Variants in XPO1 observed in about 807,000 individuals in gnomAD.
The protein encoded by XPO1 is exportin 1.
A neutral mutation model predicts 133.3 loss-of-function variants in XPO1; 5 were observed. The observed-to-expected ratio is 0.04, with a 90% confidence interval of 0.02 to 0.08. The LOEUF is 0.08. Among genes scored for constraint, XPO1 ranks in the 10% least tolerant of loss-of-function variants. XPO1 has a pLI of 1.00. For missense variants in XPO1, 506 were observed against 1,267.5 expected (o/e 0.40, Z 9.12); for synonymous variants, 419 against 408.2 (o/e 1.03, Z -0.32).
intron 4 of XPO1, among the ~76,000 whole-genome samples, chr2:61,511,990 G>C (rs1250826556): frequency 6.6e-6 from 1 of 151,934 alleles, no homozygotes; most frequent in Non-Finnish European, 1.5e-5. Flanking sequence ...GACTGGTCTC[G>C]AACTCCTGAC....
chr2:61,478,729 C>T lies in XPO1; in HGVS notation c.*91G>A, dbSNP rs1696180802. On this transcript the variant is annotated 3_prime_UTR_variant, in exon 25 of 25. Coordinates refer to ENST00000401558, the MANE Select transcript of XPO1 (RefSeq NM_003400.4). ...GGCCACTAGGTGACATTTTAATTTA[C>T]AAATTGGCATCATTTTGGTCGACAA... The T allele has an allele frequency of 1.4e-6, 2 of 1,379,580 alleles. No individual in the cohort carries two copies. Among genetic ancestry groups the T allele is most frequent in the Non-Finnish European group, 1.9e-6 (2 of 1,027,336 alleles). The allele number at this position is 1,379,580 out of a possible 1,614,324, so 85.5% of individuals were successfully genotyped here. A position where few individuals can be genotyped will look rare whatever the true frequency, so the allele number is the denominator to read the frequency against.
chr2:61,481,626 G>T (rs1390845940), intron 23 of XPO1, among the ~76,000 whole-genome samples: 5 of 150,020 alleles, frequency 3.3e-5, no homozygotes, highest in Non-Finnish European at 7.4e-5. Context: ...TGTATTTTTA[G>T]TAGAGACAGG....
intron 4 of XPO1, among the ~76,000 whole-genome samples, chr2:61,504,031 CG>C (rs1697676520): frequency 6.6e-6 from 1 of 152,104 alleles, no homozygotes; most frequent in Admixed American, 6.5e-5. Flanking sequence ...GGCAACAGAG[CG>C]AACTCTTGTC....
intron 6 of XPO1, among the ~76,000 whole-genome samples, 188 bp from the exon 7 acceptor site, chr2:61,500,082 C>A (rs1235219365): frequency 1.3e-5 from 2 of 152,146 alleles, no homozygotes; most frequent in African/African-American, 4.8e-5. Flanking sequence ...AACACAAAGT[C>A]TTTTATCTTA....
At chr2:61,485,736 T>C (rs775918942) in intron 20 of XPO1, 32 bp downstream of exon 20, 13 of 1,556,250 alleles carry the variant, frequency 8.4e-6, no homozygotes, top group African/African-American at 1.4e-5. Flanking sequence ...TCCTGCAGAA[T>C]TTCCCCCTTA....
intron 4 of XPO1, among the ~76,000 whole-genome samples, chr2:61,518,795 T>TA (rs1278215159): frequency 6.6e-6 from 1 of 152,108 alleles, no homozygotes; most frequent in African/African-American, 2.4e-5. Flanking sequence ...GACACACACT[T>TA]ACGGCCTAAA....
At chr2:61,485,658 T>G in intron 20 of XPO1, 110 bp downstream of exon 20, 1 of 980,706 alleles carries the variant, frequency 1.0e-6, no homozygotes, top group African/African-American at 1.6e-5. Flanking sequence ...GTTTAAATAT[T>G]TAAACTCCAT....
intron 1 of XPO1, 192 bp from the exon 2 acceptor site, chr2:61,534,095 C>A: frequency 2.0e-6 from 1 of 506,604 alleles, no homozygotes; most frequent in Non-Finnish European, 3.2e-6. Context: ...TTGATAATTA[C>A]ATAAATTATT....
intron 19 of XPO1, among the ~76,000 whole-genome samples, 179 bp downstream of exon 19, chr2:61,487,986 T>C (rs1183321981): frequency 1.3e-5 from 2 of 152,192 alleles, no homozygotes; most frequent in Non-Finnish European, 1.5e-5. Context: ...GCAGTTTCTT[T>C]TGAAGATGGA....
At chr2:61,479,875 T>C (rs889186942) in intron 24 of XPO1, among the ~76,000 whole-genome samples, 2 of 151,882 alleles carry the variant, frequency 1.3e-5, no homozygotes, top group Non-Finnish European at 2.9e-5. Flanking sequence ...TTTTTTCTCT[T>C]TTCTTTTGAG....
At chr2:61,525,627 C>T in intron 3 of XPO1, 1 of 1,021,356 alleles carries the variant, frequency 9.8e-7, no homozygotes, top group Non-Finnish European at 1.2e-6. Context: ...ACCAGGCAAG[C>T]AAACAGGCAA....
At chr2:61,522,286 G>C (rs1698731837) in intron 4 of XPO1, among the ~76,000 whole-genome samples, 1 of 152,106 alleles carries the variant, frequency 6.6e-6, no homozygotes, top group African/African-American at 2.4e-5. Context: ...AGAACTCCCA[G>C]ACTCAAGCGA....
intron 1 of XPO1, 137 bp from the exon 2 acceptor site, chr2:61,534,040 TGA>T: frequency 2.4e-6 from 2 of 838,568 alleles, no homozygotes; most frequent in South Asian, 3.9e-5. Flanking sequence ...TACAGAAAAC[TGA>T]GATAGTAAAA....
At chr2:61,527,705 C>G (rs1262180055) in intron 2 of XPO1, among the ~76,000 whole-genome samples, 1 of 152,118 alleles carries the variant, frequency 6.6e-6, no homozygotes, top group African/African-American at 2.4e-5. Context: ...ACCATCCTTT[C>G]TCCATTCTGA....
chr2:61,495,656 C>A, intron 10 of XPO1, 43 bp from the exon 11 acceptor site: 1 of 1,483,358 alleles, frequency 6.7e-7, no homozygotes, highest in Non-Finnish European at 9.0e-7. Context: ...TTTTATAAAA[C>A]AACTAAAGAC....
chr2:61,498,818 A>G, intron 8 of XPO1, 26 bp from the exon 9 acceptor site: 1 of 1,611,322 alleles, frequency 6.2e-7, no homozygotes, highest in Non-Finnish European at 8.5e-7. Flanking sequence ...CTTGTAAATA[A>G]TTGCTTTCCT....
intron 24 of XPO1, chr2:61,480,401 T>A (rs780867862): frequency 2.7e-5 from 4 of 150,752 alleles, no homozygotes; most frequent in Non-Finnish European, 4.4e-5. Context: ...TGCCTCAGCC[T>A]CTCAAGTAGC....
intron 3 of XPO1, chr2:61,525,236 C>T: frequency 2.0e-6 from 2 of 983,790 alleles, no homozygotes; most frequent in Non-Finnish European, 2.4e-6. Flanking sequence ...AATTGATGAA[C>T]AGAATTCAGT....
At chr2:61,533,648 G>T in intron 2 of XPO1, 124 bp downstream of exon 2, 2 of 1,170,638 alleles carry the variant, frequency 1.7e-6, no homozygotes, top group African/African-American at 1.6e-5. Context: ...GGTTAATACA[G>T]AATTCCAAAT....
Sources: allele counts gnomAD v4.1 joint callset (sites outside exome capture counted in the v4.1 genomes callset), GRCh38; gene constraint gnomAD v4.1.1; transcripts MANE v1.5; gene names NCBI Gene and HGNC (gene_info 2026-07-23, HGNC 2026-07-21).